CTIF: variants seen among roughly 807,000 people sequenced by gnomAD.
CTIF encodes CBP80/20-dependent translation initiation factor.
In CTIF, 21 loss-of-function variants were observed where a neutral mutation model predicts 66.0. That is an observed-to-expected ratio of 0.32 (90% CI 0.23 to 0.46). The LOEUF (loss-of-function observed/expected upper bound fraction) is 0.46. Ranked by LOEUF, CTIF falls within the 20% of genes least tolerant of loss-of-function variation. The probability of loss-of-function intolerance (pLI) is 1.00; values close to 1 mark genes in which losing one functional copy is unlikely to be tolerated. For synonymous variants in CTIF, 345 were observed against 326.4 expected, an observed-to-expected ratio of 1.06 and a Z score of -0.62; for missense variants, 739 against 812.7, an observed-to-expected ratio of 0.91 and a Z score of 1.10.
intron 7 of CTIF, among the ~76,000 whole-genome samples, chr18:48,730,265 AGTGTGAGGGCCTCCTGGG>A (rs1344312082): frequency 1.2e-5 from 1 of 86,646 alleles, no homozygotes; most frequent in Admixed American, 1.1e-4. Context: ...GGGCCCCCGC[AGTGTGAGGGCCTCCTGGG>A]GTGTGAGGGG....
intron 3 of CTIF, among the ~76,000 whole-genome samples, chr18:48,644,541 G>T (rs1383507638): frequency 1.3e-5 from 2 of 152,192 alleles, no homozygotes; most frequent in Non-Finnish European, 2.9e-5. Flanking sequence ...TCCTCAAAGT[G>T]CCTTCTGGCT....
chr18:48,672,336 G>T lies in CTIF; in HGVS notation c.507+1592G>T, dbSNP rs571204775. Among the ~76,000 whole-genome samples, 4 of 152,216 alleles carry T rather than the reference G, an allele frequency of 2.6e-5. No homozygotes were observed. In the East Asian group the frequency reaches 7.8e-4, roughly 30 times the overall value. On this transcript the variant is annotated intron_variant, in intron 6 of 11. Transcript: ENST00000256413. ...CCTAGCTATTAGCATATGTGGTGGG[G>T]ACAACTCTTAATAGTATGGACGTGT...
chr18:48,674,712 C>G (rs2091596637), intron 6 of CTIF, among the ~76,000 whole-genome samples: 1 of 152,180 alleles, frequency 6.6e-6, no homozygotes, highest in South Asian at 2.1e-4. Context: ...GGAGCCCCCA[C>G]AAGGATGTGG....
At chr18:48,745,824 T>C (rs1288928258) in intron 7 of CTIF, among the ~76,000 whole-genome samples, 1 of 152,198 alleles carries the variant, frequency 6.6e-6, no homozygotes, top group Non-Finnish European at 1.5e-5. Context: ...GGGGTTCCAC[T>C]ATGCATGAAG....
intron 6 of CTIF, among the ~76,000 whole-genome samples, chr18:48,675,545 C>T (rs1289492723): frequency 6.6e-6 from 1 of 152,224 alleles, no homozygotes; most frequent in Non-Finnish European, 1.5e-5. Context: ...TGCACATGCA[C>T]ACTGTCCTGA....
chr18:48,835,851 C>A (rs113975201), intron 10 of CTIF, among the ~76,000 whole-genome samples: 67 of 151,726 alleles, frequency 4.4e-4, no homozygotes, highest in Non-Finnish European at 7.8e-4. Context: ...TCACCCCTGA[C>A]TTGGCTGCCC....
chr18:48,737,898 G>A (rs1455188809), intron 7 of CTIF, among the ~76,000 whole-genome samples: 3 of 152,166 alleles, frequency 2.0e-5, no homozygotes, highest in Admixed American at 1.3e-4. Context: ...CTTTTGCTAT[G>A]CCTGAGAGGG....
intron 7 of CTIF, among the ~76,000 whole-genome samples, chr18:48,734,491 G>A (rs988010427): frequency 3.3e-5 from 5 of 152,194 alleles, no homozygotes; most frequent in African/African-American, 4.8e-5. Context: ...GCTAGAACGC[G>A]GGAGGCAGAG....
At chr18:48,559,225 T>G (rs930302362) in intron 1 of CTIF, among the ~76,000 whole-genome samples, 1 of 152,142 alleles carries the variant, frequency 6.6e-6, no homozygotes, top group African/African-American at 2.4e-5. Flanking sequence ...GTTGTTGTTT[T>G]TTTTTTTACT....
intron 10 of CTIF, among the ~76,000 whole-genome samples, chr18:48,820,005 G>C (rs1208119848): frequency 6.6e-6 from 1 of 152,230 alleles, no homozygotes; most frequent in African/African-American, 2.4e-5. Flanking sequence ...CACGGCGTCT[G>C]GCAGAGAGCT....
chr18:48,583,719 A>C (rs1383942073), intron 1 of CTIF, among the ~76,000 whole-genome samples: 1 of 152,168 alleles, frequency 6.6e-6, no homozygotes, highest in East Asian at 1.9e-4. Context: ...GGTGCCAACA[A>C]CTGGGCAGTC....
intron 7 of CTIF, among the ~76,000 whole-genome samples, chr18:48,737,771 A>G (rs1023382520): frequency 6.6e-6 from 1 of 152,282 alleles, no homozygotes; most frequent in Non-Finnish European, 1.5e-5. Flanking sequence ...TATGGGACAC[A>G]GGGGAGTTAG....
intron 1 of CTIF, among the ~76,000 whole-genome samples, chr18:48,600,762 T>C (rs2144126644): frequency 6.6e-6 from 1 of 152,160 alleles, no homozygotes; most frequent in East Asian, 1.9e-4. Context: ...CTCTCCTGAA[T>C]AGTGCTGGAT....
chr18:48,638,599 C>A (rs1272446343), intron 3 of CTIF, among the ~76,000 whole-genome samples: 1 of 152,132 alleles, frequency 6.6e-6, no homozygotes, highest in Non-Finnish European at 1.5e-5. Flanking sequence ...GCCCATGGAG[C>A]AGGGCTGGGG....
At chr18:48,594,954 C>CT (rs996891097) in intron 1 of CTIF, among the ~76,000 whole-genome samples, 6 of 152,206 alleles carry the variant, frequency 3.9e-5, no homozygotes, top group African/African-American at 1.4e-4. Context: ...CTGCTGGGCC[C>CT]TGAAGGCCTC....
chr18:48,539,119 C>G lies in CTIF; in HGVS notation c.-222C>G, dbSNP rs2088541394. The G allele has an allele frequency of 6.8e-6, 1 of 148,066 alleles. No homozygotes were observed. The highest frequency in any genetic ancestry group is 1.5e-5 in the Non-Finnish European group (1 of 66,956). 9.2% of individuals were successfully genotyped at this position (148,066 alleles called of 1,614,324 possible). On this transcript the variant is annotated 5_prime_UTR_variant, in exon 1 of 12. Transcript: ENST00000256413. ...CTCCCCCCTACCCGCCCCTCCCTCC[C>G]TGTTTCCCTTCCCTCCCTCCCTCCC...
At chr18:48,721,939 C>T (rs1006272346) in intron 7 of CTIF, among the ~76,000 whole-genome samples, 9 of 152,134 alleles carry the variant, frequency 5.9e-5, no homozygotes, top group African/African-American at 1.4e-4. Context: ...AGAGAGAGTG[C>T]GAGGTGAAGA....
chr18:48,585,095 G>A lies in CTIF; in HGVS notation c.-28-34443G>A, dbSNP rs142047075. On this transcript the variant is annotated intron_variant, in intron 1 of 11. Transcript: ENST00000256413. ...TCTTCCTTGGAAGGGTGAGGCCTGCGGATGGGGCAGAGGTGGAGGAGCAGT... is the reference window on the plus strand; with the variant it reads ...TCTTCCTTGGAAGGGTGAGGCCTGCAGATGGGGCAGAGGTGGAGGAGCAGT... Among the ~76,000 whole-genome samples the A allele has an allele frequency of 2.3e-4, 35 of 152,346 alleles. No homozygotes were observed. The East Asian group carries it at 4.6e-3, about 20-fold the overall frequency.
At chr18:48,841,919 C>G (rs370501145) in intron 10 of CTIF, among the ~76,000 whole-genome samples, 1 of 152,158 alleles carries the variant, frequency 6.6e-6, no homozygotes, top group African/African-American at 2.4e-5. Context: ...GACTCCTCAG[C>G]GCTCACACAC....
Sources: allele counts gnomAD v4.1 joint callset (sites outside exome capture counted in the v4.1 genomes callset), GRCh38; gene constraint gnomAD v4.1.1; transcripts MANE v1.5; gene names NCBI Gene and HGNC (gene_info 2026-07-23, HGNC 2026-07-21).